The following RYR2 variants were observed in gnomAD, a reference collection of about 807,000 sequenced individuals.
RYR2 encodes the protein cardiac muscle ryanodine receptor-calcium release channel.
In RYR2, 227 loss-of-function variants were observed where a neutral mutation model predicts 601.1. That is an observed-to-expected ratio of 0.38 (90% confidence interval 0.34 to 0.42). The LOEUF is 0.42. Among genes scored for constraint, RYR2 ranks in the 10% least tolerant of loss-of-function variants. The pLI is 1.00. For synonymous variants in RYR2, 2,223 were observed against 2,175.1 expected, an observed-to-expected ratio of 1.02 and a Z score of -0.61; for missense variants, 4,646 against 6,156.5, an observed-to-expected ratio of 0.75 and a Z score of 8.21.
In RYR2 at chr1:237,377,913, G is replaced by A. The variant is rs558213582; in HGVS notation, c.576+478G>A. 1.1e-4 allele frequency among the ~76,000 whole-genome samples: 17 copies of A among 152,292 alleles called. 1 individual carries two copies. In the South Asian group the frequency reaches 3.3e-3, roughly 30 times the overall value. ...TAGTTTGAAGTCTATCATTGACACTGCATTGTTTCAAAGAGTAGGGGCTGG... is the reference window on the plus strand; with the variant it reads ...TAGTTTGAAGTCTATCATTGACACTACATTGTTTCAAAGAGTAGGGGCTGG... On this transcript the variant is annotated intron_variant, in intron 8 of 104. Coordinates refer to ENST00000366574, the MANE Select transcript of RYR2 (RefSeq NM_001035.3).
At chr1:237,442,971 G>A (rs1180297057) in intron 13 of RYR2, among the ~76,000 whole-genome samples, 1 of 152,198 alleles carries the variant, frequency 6.6e-6, no homozygotes, top group East Asian at 1.9e-4. Flanking sequence ...TTTGGAACAA[G>A]TTGGGTATGT....
At chr1:237,426,963 G>C (rs1171313379) in intron 12 of RYR2, among the ~76,000 whole-genome samples, 2 of 152,162 alleles carry the variant, frequency 1.3e-5, no homozygotes, top group Non-Finnish European at 2.9e-5. Flanking sequence ...GAAAGGTACG[G>C]TAGGTGCTCC....
Position 237,335,312 on chromosome 1 carries a change from C to G in RYR2, c.273+4330C>G, listed in dbSNP as rs569578718. 2.0e-5 allele frequency among the ~76,000 whole-genome samples: 3 copies of G among 152,304 alleles called. No homozygotes were observed. In the East Asian group the frequency reaches 5.8e-4, roughly 29 times the overall value. On this transcript the variant is annotated intron_variant, in intron 3 of 104. Transcript: ENST00000366574. ...TCACAAAATTATGATAGACACTTTT[C>G]TCTCACACAACTTTATTTGTAATGC...
intron 3 of RYR2, chr1:237,341,632 G>A: frequency 1.9e-6 from 1 of 516,580 alleles, no homozygotes; most frequent in South Asian, 1.4e-5. Flanking sequence ...GACAATGCAT[G>A]TTATGTACTA....
intron 63 of RYR2, among the ~76,000 whole-genome samples, chr1:237,693,461 C>A (rs1250676808): frequency 2.0e-5 from 3 of 152,118 alleles, no homozygotes; most frequent in Admixed American, 6.5e-5. Flanking sequence ...ATGACCTGGA[C>A]ACTCCTCAGA....
chr1:237,460,057 C>T (rs1456158393), intron 16 of RYR2, among the ~76,000 whole-genome samples: 1 of 152,132 alleles, frequency 6.6e-6, no homozygotes, highest in Non-Finnish European at 1.5e-5. Flanking sequence ...ATGGCTCCAT[C>T]TTATCTCCAG....
intron 34 of RYR2, among the ~76,000 whole-genome samples, chr1:237,600,335 G>GA (rs1676364591): frequency 6.6e-6 from 1 of 151,938 alleles, no homozygotes; most frequent in South Asian, 2.1e-4. Context: ...AAGGTGCCAA[G>GA]AACACACATT....
chr1:237,121,036 G>GTGTGTGTGCGTGTGTGTGCACA (rs1670711893), intron 1 of RYR2: 1 of 151,670 alleles, frequency 6.6e-6, no homozygotes, highest in Non-Finnish European at 1.5e-5. Flanking sequence ...AATGCTGTGT[G>GTGTGTGTGCGTGTGTGTGCACA]TGTGTGTGTG....
intron 38 of RYR2, among the ~76,000 whole-genome samples, chr1:237,623,350 C>T (rs1679262688): frequency 1.4e-5 from 1 of 73,872 alleles, no homozygotes; most frequent in African/African-American, 3.4e-5. Flanking sequence ...GGTAGTTGTG[C>T]CTTTCTTTGT....
At chr1:237,055,919 A>ACACCTGTGAGGACTGGAGCACTG (rs1221128443) in intron 1 of RYR2, among the ~76,000 whole-genome samples, 1 of 152,236 alleles carries the variant, frequency 6.6e-6, no homozygotes, top group African/African-American at 2.4e-5. Context: ...CACAGGGAGC[A>ACACCTGTGAGGACTGGAGCACTG]CACCTGTGAG....
chr1:237,054,968 G>A (rs1050004123), intron 1 of RYR2, among the ~76,000 whole-genome samples: 4 of 152,056 alleles, frequency 2.6e-5, no homozygotes, highest in East Asian at 1.9e-4. Flanking sequence ...AGATGGTGCC[G>A]GGAGCACTGT....
At chr1:237,663,009 T>C (rs677730) in intron 56 of RYR2, among the ~76,000 whole-genome samples, 137,794 of 152,248 alleles carry the variant, frequency 0.91, 62,772 homozygotes, top group South Asian at 0.98. Flanking sequence ...ATCTCATTAG[T>C]GGTAAATGAA....
At position 237,666,416 on chromosome 1, in the gene RYR2, A is replaced by G. The variant is rs1684331792; in HGVS notation, c.8437-96A>G. ...TGCCAGTTTTATCTAAGGAAACACT[A>G]TGTTTGGAAATTTGTGCCATATTTT... On this transcript the variant is annotated intron_variant, in intron 56 of 104. Transcript: ENST00000366574. The G allele has an allele frequency of 1.5e-5, 15 of 1,023,060 alleles. No individual in the cohort carries two copies. The South Asian group carries it at 2.0e-4, about 13-fold the overall frequency. 63.4% of individuals were successfully genotyped at this position (1,023,060 alleles called of 1,614,324 possible).
intron 1 of RYR2, among the ~76,000 whole-genome samples, chr1:237,127,732 C>T (rs1321386671): frequency 2.0e-5 from 3 of 150,264 alleles, no homozygotes; most frequent in South Asian, 2.1e-4. Flanking sequence ...AGAGGTGCTC[C>T]TCACATCCCA....
chr1:237,398,824 G>A (rs1245870387), intron 10 of RYR2, among the ~76,000 whole-genome samples: 5 of 151,598 alleles, frequency 3.3e-5, no homozygotes, highest in African/African-American at 1.2e-4. Flanking sequence ...TGTAATAATC[G>A]AAACATGGAA....
chr1:237,377,062 G>A (rs754291161), intron 7 of RYR2, among the ~76,000 whole-genome samples: 3 of 149,612 alleles, frequency 2.0e-5, no homozygotes, highest in African/African-American at 7.7e-5. Context: ...CCTTAGATGA[G>A]TATAAATAAA....
In RYR2 at chr1:237,569,897, C is replaced by T. The variant is rs76357412; in HGVS notation, c.3598+578C>T. On this transcript the variant is annotated intron_variant, in intron 29 of 104. Coordinates refer to ENST00000366574, the MANE Select transcript of RYR2 (RefSeq NM_001035.3). ...GCACGTGCTGCTGCCTGTGGGGCCC[C>T]GAGATGGCCTTTGAGCAGAGTTGTA... Among the ~76,000 whole-genome samples, 472 of 152,208 alleles carry T rather than the reference C, an allele frequency of 3.1e-3. 4 individuals are homozygous for T. The highest frequency in any genetic ancestry group is 5.7e-3 in the Non-Finnish European group (391 of 68,004).
chr1:237,823,947 T>C (rs1662804544), intron 101 of RYR2, among the ~76,000 whole-genome samples: 1 of 152,204 alleles, frequency 6.6e-6, no homozygotes, highest in Admixed American at 6.5e-5. Flanking sequence ...GATAAACTCC[T>C]GGACACATAC....
chr1:237,388,037 C>A (rs1172855608), intron 9 of RYR2, 50 bp from the exon 10 acceptor site: 1 of 1,499,146 alleles, frequency 6.7e-7, no homozygotes, highest in Non-Finnish European at 9.3e-7. Context: ...GTCTGGCTAT[C>A]AGCACCTGAC....
Sources: allele counts gnomAD v4.1 joint callset (sites outside exome capture counted in the v4.1 genomes callset), GRCh38; gene constraint gnomAD v4.1.1; transcripts MANE v1.5; gene names NCBI Gene and HGNC (gene_info 2026-07-23, HGNC 2026-07-21).